CTPS2: variants seen among roughly 807,000 people sequenced by gnomAD.
CTPS2 encodes CTP synthase 2, also known as CTP synthase II.
In CTPS2, 19 loss-of-function variants were observed where a neutral mutation model predicts 46.8. The observed-to-expected ratio is 0.41, with a 90% confidence interval of 0.28 to 0.60. The LOEUF (loss-of-function observed/expected upper bound fraction) is 0.60, where lower values mean the gene tolerates loss of function less well. Among genes scored for constraint, CTPS2 ranks in the 20% least tolerant of loss-of-function variants. CTPS2 has a pLI of 0.35. For missense variants in CTPS2, 286 were observed against 447.6 expected (o/e 0.64, Z 3.26); for synonymous variants, 151 against 165.2 (o/e 0.91, Z 0.66).
intron 9 of CTPS2, among the ~76,000 whole-genome samples, chrX:16,678,697 C>T (rs967284524): frequency 5.4e-5 from 6 of 110,218 alleles, no homozygotes; most frequent in Non-Finnish European, 9.5e-5. Context: ...AAGAAGAGAA[C>T]GATGCAGAAG....
chrX:16,701,662 C>T (rs1372745082), intron 2 of CTPS2, among the ~76,000 whole-genome samples: 4 of 107,717 alleles, frequency 3.7e-5, no homozygotes, highest in Admixed American at 9.8e-5. Context: ...AGTGCAGTGG[C>T]GCAATCTCGG....
At position 16,648,060 on chromosome X, in the gene CTPS2, G is replaced by T. The variant is rs750207238; in HGVS notation, c.1297-8817C>A. On this transcript the variant is annotated intron_variant, in intron 13 of 18. Transcript: ENST00000359276. ...TGAGGCTGCAGTGAGCTGTGTTCAC[G>T]CCACTGCACTCCAACCTGAGTGACA... Among the ~76,000 whole-genome samples, 5 of 111,670 alleles carry T rather than the reference G, an allele frequency of 4.5e-5. No homozygotes were observed. The South Asian group carries it at 1.9e-3, about 42-fold the overall frequency.
intron 16 of CTPS2, among the ~76,000 whole-genome samples, chrX:16,610,484 C>T (rs763683771): frequency 9.0e-6 from 1 of 111,371 alleles, no homozygotes; most frequent in Admixed American, 9.6e-5. Context: ...CAAATGTCTA[C>T]TTTCTTAAGG....
intron 13 of CTPS2, among the ~76,000 whole-genome samples, chrX:16,661,674 C>G (rs992412520): frequency 1.8e-5 from 2 of 111,460 alleles, no homozygotes; most frequent in Non-Finnish European, 3.8e-5. Flanking sequence ...CCTGAAAATT[C>G]CTGGATCAAA....
At chrX:16,598,514 G>T in intron 17 of CTPS2, among the ~76,000 whole-genome samples, 1 of 111,839 alleles carries the variant, frequency 8.9e-6, no homozygotes, top group Non-Finnish European at 1.9e-5. Context: ...CCAGGAAGAA[G>T]TTGAATCTCT....
intron 17 of CTPS2, among the ~76,000 whole-genome samples, chrX:16,593,467 T>G (rs868196685): frequency 7.7e-4 from 66 of 85,264 alleles, no homozygotes; most frequent in Non-Finnish European, 9.4e-4. Flanking sequence ...CCCTAACAGG[T>G]GAAATTTTAC....
chrX:16,674,819 C>T (rs1164715598), intron 10 of CTPS2, among the ~76,000 whole-genome samples: 2 of 100,364 alleles, frequency 2.0e-5, no homozygotes, highest in Non-Finnish European at 4.0e-5. Flanking sequence ...GCCTGGGCAA[C>T]AAGGCGAGAC....
intron 17 of CTPS2, among the ~76,000 whole-genome samples, chrX:16,593,477 C>CTT (rs5901588): frequency 0.19 from 15,987 of 85,084 alleles, 1,378 homozygotes; most frequent in Non-Finnish European, 0.22. Flanking sequence ...TGAAATTTTA[C>CTT]TTTTTTTTTT....
At chrX:16,677,024 A>G (rs1265907277) in intron 10 of CTPS2, among the ~76,000 whole-genome samples, 1 of 101,131 alleles carries the variant, frequency 9.9e-6, no homozygotes, top group African/African-American at 3.7e-5. Context: ...GCACCACTGC[A>G]CTCCAGCCTG....
Position 16,661,993 on chromosome X carries a change from C to CATATATATATAT in CTPS2, c.1296+5509_1296+5520dup, listed in dbSNP as rs5901592. Among the ~76,000 whole-genome samples, 534 of 85,320 alleles carry CATATATATATAT rather than the reference C, an allele frequency of 6.3e-3. 3 individuals carry two copies. Among genetic ancestry groups the CATATATATATAT allele is most frequent in the African/African-American group, 0.02 (495 of 24,583 alleles). 74.1% of individuals were successfully genotyped at this position (85,320 alleles called of 115,157 possible). ...ACACATTAGATTGAGATTGTTCATT[C>CATATATATATAT]ATATATATATATATATATATGCCTC... On this transcript the variant is annotated intron_variant, in intron 13 of 18. Coordinates refer to ENST00000359276, the MANE Select transcript of CTPS2 (RefSeq NM_175859.3).
chrX:16,689,248 T>C (rs1923495168), intron 8 of CTPS2, among the ~76,000 whole-genome samples: 1 of 112,309 alleles, frequency 8.9e-6, no homozygotes, highest in South Asian at 3.6e-4. Context: ...TTGGTTTATG[T>C]ATAACAAAAT....
intron 9 of CTPS2, among the ~76,000 whole-genome samples, chrX:16,679,494 G>A (rs1367560085): frequency 8.9e-6 from 1 of 111,892 alleles, no homozygotes; most frequent in Non-Finnish European, 1.9e-5. Context: ...CCCAGCGAGA[G>A]GACAGACCTG....
chrX:16,604,555 A>G (rs1161175828), intron 17 of CTPS2, among the ~76,000 whole-genome samples: 1 of 110,927 alleles, frequency 9.0e-6, no homozygotes. Flanking sequence ...GGCCAGGCAC[A>G]TTGGCCCATG....
chrX:16,601,575 G>T lies in CTPS2; in HGVS notation c.1691+7966C>A, dbSNP rs896525255. Reference sequence around the variant, plus strand: ...CCTATAAACCAAGGGAAGCCATCGGGGGGGGGGGGGTTTAAGTTCCAAAAT... The same window carrying T: ...CCTATAAACCAAGGGAAGCCATCGGTGGGGGGGGGGTTTAAGTTCCAAAAT... On this transcript the variant is annotated intron_variant, in intron 17 of 18. Transcript: ENST00000359276. 4.1e-4 allele frequency among the ~76,000 whole-genome samples: 12 copies of T among 28,959 alleles called. No homozygotes were observed. The African/African-American group carries it at 5.2e-3, about 12-fold the overall frequency. The allele number at this position is 28,959 out of a possible 115,157, so 25.1% of individuals were successfully genotyped here. A position where few individuals can be genotyped will look rare whatever the true frequency, so the allele number is the denominator to read the frequency against.
intron 14 of CTPS2, among the ~76,000 whole-genome samples, chrX:16,637,014 AT>A (rs1344410079): frequency 8.9e-6 from 1 of 112,578 alleles, no homozygotes; most frequent in Non-Finnish European, 1.9e-5. Flanking sequence ...TGTTTTCAAA[AT>A]TTTTCAAAAC....
intron 13 of CTPS2, among the ~76,000 whole-genome samples, chrX:16,665,613 G>A (rs1246122911): frequency 8.9e-6 from 1 of 112,073 alleles, no homozygotes; most frequent in African/African-American, 3.2e-5. Flanking sequence ...CCTGGGGCTG[G>A]TGGAGATAGG....
At chrX:16,700,019 G>A (rs1023232995) in intron 2 of CTPS2, among the ~76,000 whole-genome samples, 2 of 107,020 alleles carry the variant, frequency 1.9e-5, no homozygotes, top group Admixed American at 1.0e-4. Context: ...TGCAACCTCC[G>A]CCTCCTGGAT....
chrX:16,601,773 C>A (rs1234679443), intron 17 of CTPS2, among the ~76,000 whole-genome samples: 1 of 111,585 alleles, frequency 9.0e-6, no homozygotes, highest in Non-Finnish European at 1.9e-5. Flanking sequence ...TACCATAGAC[C>A]AGGCACTACG....
intron 7 of CTPS2, among the ~76,000 whole-genome samples, chrX:16,690,973 T>C (rs986281393): frequency 4.5e-5 from 5 of 112,227 alleles, no homozygotes; most frequent in Non-Finnish European, 9.4e-5. Flanking sequence ...AAAGAGATGA[T>C]AAGTAGGCTT....
Sources: gnomAD v4.1 joint callset for allele counts (sites outside exome capture counted in the v4.1 genomes callset) on GRCh38, gnomAD v4.1.1 for gene constraint, MANE v1.5 for transcripts, NCBI Gene and HGNC (gene_info 2026-07-23, HGNC 2026-07-21) for gene names.